Variants in CLVS1 observed in about 807,000 individuals in gnomAD.
The protein encoded by CLVS1 is clavesin 1, also known as clavesin-1.
A neutral mutation model predicts 33.1 loss-of-function variants in CLVS1; 10 were observed. The ratio of observed to expected loss-of-function variants is 0.30; its 90% CI spans 0.19 to 0.51. CLVS1 has a LOEUF of 0.51. CLVS1 is among the 20% of genes least tolerant of loss of function. The pLI is 0.97. For synonymous variants in CLVS1, 163 were observed against 166.1 expected (o/e 0.98, Z 0.14); for missense variants, 343 against 433.4 (o/e 0.79, Z 1.85).
At chr8:61,227,991 G>A (rs1422277962) in intron 2 of CLVS1, among the ~76,000 whole-genome samples, 1 of 152,192 alleles carries the variant, frequency 6.6e-6, no homozygotes, top group Non-Finnish European at 1.5e-5. Context: ...TACAATACCG[G>A]AAGTGATGTG....
chr8:61,031,788 G>A, the CLVS1 span, among the ~76,000 whole-genome samples: 1 of 152,300 alleles, frequency 6.6e-6, no homozygotes, highest in East Asian at 1.9e-4. Context: ...TGTGGACCAT[G>A]TGGGGTTTCA....
chr8:61,192,101 G>A (rs1360407596), intron 2 of CLVS1, among the ~76,000 whole-genome samples: 1 of 152,164 alleles, frequency 6.6e-6, no homozygotes, highest in Non-Finnish European at 1.5e-5. Flanking sequence ...AAAGCTGGAG[G>A]CATCACGCTA....
At chr8:61,476,537 G>T (rs1286465900) in intron 5 of CLVS1, among the ~76,000 whole-genome samples, 1 of 152,024 alleles carries the variant, frequency 6.6e-6, no homozygotes, top group Non-Finnish European at 1.5e-5. Flanking sequence ...GGATTCCTAG[G>T]TATTTTATTC....
chr8:61,093,773 G>A (rs747729863), intron 1 of CLVS1, among the ~76,000 whole-genome samples: 4 of 152,146 alleles, frequency 2.6e-5, no homozygotes, highest in East Asian at 1.9e-4. Context: ...TTATGTGTGC[G>A]TCCAGCTCTC....
intron 3 of CLVS1, among the ~76,000 whole-genome samples, chr8:61,439,894 A>G (rs1471256489): frequency 6.6e-6 from 1 of 152,234 alleles, no homozygotes; most frequent in Non-Finnish European, 1.5e-5. Flanking sequence ...AAAGACGCTC[A>G]AACATAGTCA....
chr8:61,304,782 G>A (rs2978564), intron 2 of CLVS1, among the ~76,000 whole-genome samples: 1,555 of 152,128 alleles, frequency 0.01, 23 homozygotes, highest in Middle Eastern at 0.024. Context: ...GGGACACATC[G>A]GTTTTTTTTC....
chr8:61,382,703 A>G (rs188385222), intron 3 of CLVS1, among the ~76,000 whole-genome samples: 2 of 152,262 alleles, frequency 1.3e-5, no homozygotes, highest in Admixed American at 6.5e-5. Flanking sequence ...AGAGTTTCTG[A>G]TTCCATAGAT....
chr8:61,463,916 A>G (rs1438704636), intron 5 of CLVS1, among the ~76,000 whole-genome samples: 1 of 150,674 alleles, frequency 6.6e-6, no homozygotes, highest in African/African-American at 2.5e-5. Context: ...AAAAAATACA[A>G]AAAAAAATTA....
intron 2 of CLVS1, among the ~76,000 whole-genome samples, chr8:61,231,306 A>ACACACACACACACACTCT: frequency 6.6e-6 from 1 of 151,226 alleles, no homozygotes; most frequent in Non-Finnish European, 1.5e-5. Context: ...ACACACACAC[A>ACACACACACACACACTCT]CTCTAATATT....
intron 5 of CLVS1, among the ~76,000 whole-genome samples, chr8:61,482,100 C>A (rs557751976): frequency 6.6e-6 from 1 of 152,298 alleles, no homozygotes; most frequent in Non-Finnish European, 1.5e-5. Context: ...CTGGAGTGGA[C>A]CTCCAGCAAA....
chr8:61,386,640 T>C (rs1289101140), intron 3 of CLVS1, among the ~76,000 whole-genome samples: 1 of 152,204 alleles, frequency 6.6e-6, no homozygotes, highest in African/African-American at 2.4e-5. Flanking sequence ...AAGTCTAGTG[T>C]TCATGATATA....
intron 2 of CLVS1, among the ~76,000 whole-genome samples, chr8:61,359,177 C>T (rs1812869087): frequency 6.6e-6 from 1 of 152,136 alleles, no homozygotes; most frequent in Non-Finnish European, 1.5e-5. Context: ...AACTAAGTTA[C>T]CAACCACACT....
At chr8:61,310,723 T>C (rs1810801541) in intron 2 of CLVS1, among the ~76,000 whole-genome samples, 1 of 152,236 alleles carries the variant, frequency 6.6e-6, no homozygotes, top group Non-Finnish European at 1.5e-5. Context: ...AAAACAACTT[T>C]GATTTTTCTT....
At chr8:61,445,712 A>G (rs57835491) in intron 3 of CLVS1, among the ~76,000 whole-genome samples, 12,581 of 152,186 alleles carry the variant, frequency 0.083, 1,471 homozygotes, top group African/African-American at 0.26. Context: ...CTTCACTTCT[A>G]TTTTCTGAAA....
At chr8:61,409,818 C>T (rs1269279177) in intron 3 of CLVS1, among the ~76,000 whole-genome samples, 1 of 152,160 alleles carries the variant, frequency 6.6e-6, no homozygotes, top group Non-Finnish European at 1.5e-5. Context: ...AGATTTTTGA[C>T]AACCTGATAG....
intron 1 of CLVS1, among the ~76,000 whole-genome samples, chr8:61,093,319 A>C (rs1805287173): frequency 6.6e-6 from 1 of 152,160 alleles, no homozygotes; most frequent in Non-Finnish European, 1.5e-5. Context: ...CTCCTTAAGC[A>C]CTTTTCATAA....
the CLVS1 span, chr8:60,964,866 T>G: frequency 6.6e-6 from 1 of 152,148 alleles, no homozygotes; most frequent in African/African-American, 2.4e-5. Flanking sequence ...TTTAACTGGA[T>G]AGCTGACTGG....
At chr8:61,122,550 C>T (rs962740802) in intron 1 of CLVS1, among the ~76,000 whole-genome samples, 2 of 143,776 alleles carry the variant, frequency 1.4e-5, no homozygotes, top group African/African-American at 2.6e-5. Context: ...GTGTGAATGA[C>T]ATCAGCCTAT....
chr8:61,291,578 G>T (rs1308075950), intron 1 of CLVS1, among the ~76,000 whole-genome samples: 1 of 152,042 alleles, frequency 6.6e-6, no homozygotes, highest in Non-Finnish European at 1.5e-5. Context: ...TAAATTACAG[G>T]ATCTGTACAT....
Sources: gnomAD v4.1 joint callset for allele counts (sites outside exome capture counted in the v4.1 genomes callset) on GRCh38, gnomAD v4.1.1 for gene constraint, MANE v1.5 for transcripts, NCBI Gene and HGNC (gene_info 2026-07-23, HGNC 2026-07-21) for gene names.